The following FGGY variants were observed in gnomAD, a reference collection of about 807,000 sequenced individuals.
FGGY encodes FGGY carbohydrate kinase domain containing.
In FGGY, 72 loss-of-function variants were observed where a neutral mutation model predicts 71.3. That is an observed-to-expected ratio of 1.01 (90% CI 0.84 to 1.23). The LOEUF is 1.23. FGGY is among the 50% of genes most tolerant of loss of function. FGGY has a pLI of 0.00. For synonymous variants in FGGY, 251 were observed against 250.3 expected (o/e 1.00, Z -0.02); for missense variants, 668 against 682.3 (o/e 0.98, Z 0.23).
intron 6 of FGGY, among the ~76,000 whole-genome samples, chr1:59,478,256 G>A (rs977841546): frequency 7.2e-5 from 11 of 152,228 alleles, no homozygotes; most frequent in East Asian, 1.9e-4. Context: ...TATTTTCTCT[G>A]TCTCTCGTGG....
intron 4 of FGGY, among the ~76,000 whole-genome samples, chr1:59,356,488 C>T (rs2054337955): frequency 6.6e-6 from 1 of 152,188 alleles, no homozygotes; most frequent in African/African-American, 2.4e-5. Context: ...TCCCCTGTGG[C>T]ATTCTATGCT....
intron 13 of FGGY, 56 bp from the exon 14 acceptor site, chr1:59,673,983 T>G (rs895912482): frequency 1.3e-6 from 2 of 1,524,664 alleles, no homozygotes; most frequent in African/African-American, 2.7e-5. Context: ...GCTTGTTGGC[T>G]CCTCACACTC....
chr1:59,537,690 C>T (rs1007905437), intron 7 of FGGY, among the ~76,000 whole-genome samples: 25 of 152,014 alleles, frequency 1.6e-4, no homozygotes, highest in Non-Finnish European at 2.6e-4. Context: ...AGAAATAACG[C>T]CGCATATCTA....
At chr1:59,735,251 A>G (rs942907673) in intron 14 of FGGY, among the ~76,000 whole-genome samples, 1 of 151,964 alleles carries the variant, frequency 6.6e-6, no homozygotes, top group Non-Finnish European at 1.5e-5. Context: ...TCCCTTTTCC[A>G]TAGACAAGCC....
At chr1:59,660,823 C>A (rs1362035251) in intron 12 of FGGY, among the ~76,000 whole-genome samples, 1 of 152,006 alleles carries the variant, frequency 6.6e-6, no homozygotes, top group Non-Finnish European at 1.5e-5. Context: ...AAAGATAAAT[C>A]AAAAATGGAA....
intron 4 of FGGY, among the ~76,000 whole-genome samples, chr1:59,356,709 A>G (rs1435939714): frequency 6.6e-6 from 1 of 152,196 alleles, no homozygotes; most frequent in African/African-American, 2.4e-5. Flanking sequence ...CTAAAGGTTC[A>G]CTGTATGCCC....
intron 6 of FGGY, among the ~76,000 whole-genome samples, chr1:59,491,423 C>G (rs2093859319): frequency 6.6e-6 from 1 of 151,784 alleles, no homozygotes; most frequent in South Asian, 2.1e-4. Flanking sequence ...TTGTAGAGAT[C>G]TTTACTACCT....
Position 59,596,733 on chromosome 1 carries a change from C to T in FGGY, c.904-11070C>T, listed in dbSNP as rs138287776. ...CCCAGGCCTGGGAAAGATTCACAGGCCTAGTCCAGACCTGGCAGGAAAGAG... is the reference window on the plus strand; with the variant it reads ...CCCAGGCCTGGGAAAGATTCACAGGTCTAGTCCAGACCTGGCAGGAAAGAG... On this transcript the variant is annotated intron_variant, in intron 8 of 15. Transcript: ENST00000303721. 1.3e-3 allele frequency among the ~76,000 whole-genome samples: 200 copies of T among 152,246 alleles called. 1 individual carries two copies. The highest frequency in any genetic ancestry group is 4.6e-3 in the African/African-American group (193 of 41,548).
chr1:59,730,138 A>G lies in FGGY; in HGVS notation c.1513-27793A>G, dbSNP rs2098007436. ...TCAGCCCCCAACACTTCAAATTACC[A>G]CTGAAGTGTCCCTACCAGTTTATGA... On this transcript the variant is annotated intron_variant, in intron 14 of 15. Coordinates refer to ENST00000303721, the MANE Select transcript of FGGY (RefSeq NM_018291.5). Among the ~76,000 whole-genome samples the G allele has an allele frequency of 1.3e-5, 2 of 151,818 alleles. 1 individual carries two copies. The highest frequency in any genetic ancestry group is 1.3e-4 in the Admixed American group (2 of 15,244).
At chr1:59,657,345 G>A (rs1399931432) in intron 11 of FGGY, among the ~76,000 whole-genome samples, 3 of 152,150 alleles carry the variant, frequency 2.0e-5, no homozygotes, top group Non-Finnish European at 4.4e-5. Flanking sequence ...GAAGCCAAAG[G>A]GAGGCAGCCT....
At chr1:59,412,696 T>G (rs756886638) in intron 5 of FGGY, among the ~76,000 whole-genome samples, 7 of 152,184 alleles carry the variant, frequency 4.6e-5, no homozygotes, top group Non-Finnish European at 4.4e-5. Context: ...TGTGAGACAT[T>G]GTGTACAGGT....
intron 4 of FGGY, among the ~76,000 whole-genome samples, chr1:59,363,548 A>G (rs1396437304): frequency 1.3e-5 from 2 of 152,232 alleles, no homozygotes; most frequent in Non-Finnish European, 1.5e-5. Context: ...ACATAGCTAC[A>G]GAGTACTAGA....
chr1:59,482,425 C>T (rs944369157), intron 6 of FGGY, among the ~76,000 whole-genome samples: 3 of 152,016 alleles, frequency 2.0e-5, no homozygotes, highest in African/African-American at 7.2e-5. Flanking sequence ...CACTTTCAAG[C>T]AAGTTTTTGC....
intron 8 of FGGY, among the ~76,000 whole-genome samples, chr1:59,558,049 A>G (rs2095719086): frequency 6.6e-6 from 1 of 152,138 alleles, no homozygotes. Context: ...TGCCCCCACC[A>G]CTTACTGTGT....
chr1:59,490,099 G>A (rs763974384), intron 6 of FGGY, among the ~76,000 whole-genome samples: 2 of 152,072 alleles, frequency 1.3e-5, no homozygotes, highest in African/African-American at 2.4e-5. Context: ...TGCCTAGACT[G>A]TAGTGCAGTG....
At chr1:59,640,109 ATGTT>A (rs2097005811) in intron 11 of FGGY, among the ~76,000 whole-genome samples, 1 of 152,192 alleles carries the variant, frequency 6.6e-6, no homozygotes, top group African/African-American at 2.4e-5. Flanking sequence ...AAAAAGTTGT[ATGTT>A]TGTTCACATA....
At chr1:59,317,619 G>A (rs2045686251) in intron 1 of FGGY, among the ~76,000 whole-genome samples, 1 of 152,152 alleles carries the variant, frequency 6.6e-6, no homozygotes, top group Non-Finnish European at 1.5e-5. Context: ...AAGAGCAGGG[G>A]ACCTATGATG....
intron 7 of FGGY, among the ~76,000 whole-genome samples, chr1:59,515,460 T>C (rs2094619256): frequency 6.6e-6 from 1 of 152,170 alleles, no homozygotes; most frequent in Non-Finnish European, 1.5e-5. Context: ...TGGGGGACTT[T>C]TGGGAGGGCA....
At chr1:59,493,174 A>G (rs1184305947) in intron 6 of FGGY, among the ~76,000 whole-genome samples, 2 of 151,188 alleles carry the variant, frequency 1.3e-5, no homozygotes, top group Non-Finnish European at 2.9e-5. Flanking sequence ...GAAATTGGAA[A>G]CCTTGTGCAG....
Sources: allele counts gnomAD v4.1 joint callset (sites outside exome capture counted in the v4.1 genomes callset), GRCh38; gene constraint gnomAD v4.1.1; transcripts MANE v1.5; gene names NCBI Gene and HGNC (gene_info 2026-07-23, HGNC 2026-07-21).